Variants in SLC12A2 observed in about 807,000 individuals in gnomAD.
SLC12A2 encodes solute carrier family 12 member 2, also known as Na-K-2Cl cotransporter 1.
SLC12A2 carries 67 observed loss-of-function variants against 136.3 expected under a neutral mutation model. The observed-to-expected ratio is 0.49, with a 90% CI of 0.40 to 0.60. The LOEUF is 0.60. SLC12A2 is among the 20% of genes least tolerant of loss of function. The probability of loss-of-function intolerance (pLI) is 0.00; values close to 1 mark genes in which losing one functional copy is unlikely to be tolerated. For synonymous variants in SLC12A2, 619 were observed against 562.9 expected, an observed-to-expected ratio of 1.10 and a Z score of -1.41; for missense variants, 1,322 against 1,534.7, an observed-to-expected ratio of 0.86 and a Z score of 2.32.
At chr5:128,152,939 T>C (rs574259093) in intron 15 of SLC12A2, 134 bp downstream of exon 15, 2 of 608,388 alleles carry the variant, frequency 3.3e-6, no homozygotes, top group East Asian at 2.8e-5. Context: ...AAGAACAAAA[T>C]TGTACAAAGA....
chr5:128,179,021 C>G (rs1561706735), intron 22 of SLC12A2, among the ~76,000 whole-genome samples: 1 of 152,144 alleles, frequency 6.6e-6, no homozygotes, highest in Non-Finnish European at 1.5e-5. Flanking sequence ...GCAGAAATAT[C>G]ACAGAAGTGA....
At chr5:128,135,482 AT>A (rs375344286) in intron 6 of SLC12A2, among the ~76,000 whole-genome samples, 3 of 152,164 alleles carry the variant, frequency 2.0e-5, no homozygotes, top group Non-Finnish European at 2.9e-5. Context: ...CACTTTTACT[AT>A]CTTTTTTTTC....
chr5:128,184,769 A>C lies in SLC12A2; in HGVS notation c.3436-20A>C, dbSNP rs757773124. 3 of 1,611,194 alleles carry C rather than the reference A, an allele frequency of 1.9e-6. No homozygotes were observed. The highest frequency in any genetic ancestry group is 2.7e-5 in the African/African-American group (2 of 74,854). On this transcript the variant is annotated intron_variant, in intron 25 of 26. Coordinates refer to ENST00000262461, the MANE Select transcript of SLC12A2 (RefSeq NM_001046.3). ...CTTATTTCCACATGGTCTAGGAATG[A>C]CTGTCCTGTTTCATTTCAGACATAC...
At chr5:128,129,319 G>A (rs1464837014) in intron 4 of SLC12A2, among the ~76,000 whole-genome samples, 1 of 152,032 alleles carries the variant, frequency 6.6e-6, no homozygotes. Flanking sequence ...TTTTACTTGT[G>A]ATTAATTATA....
chr5:128,179,449 G>T (rs1307624637), intron 22 of SLC12A2, among the ~76,000 whole-genome samples: 2 of 152,128 alleles, frequency 1.3e-5, no homozygotes, highest in Admixed American at 6.5e-5. Flanking sequence ...CTGTTCTTGT[G>T]TTGCTTTGAA....
At chr5:128,171,248 C>A (rs1763367112) in intron 18 of SLC12A2, among the ~76,000 whole-genome samples, 1 of 152,122 alleles carries the variant, frequency 6.6e-6, no homozygotes, top group Non-Finnish European at 1.5e-5. Context: ...TCATATCCTG[C>A]AACCTGCTAT....
At position 128,114,259 on chromosome 5, in the gene SLC12A2, G is replaced by C; in HGVS notation, c.924G>C (p.Leu308Phe). The C allele has an allele frequency of 6.2e-7, 1 of 1,613,482 alleles. No homozygotes were observed. Among genetic ancestry groups the C allele is most frequent in the South Asian group, 1.1e-5 (1 of 91,048 alleles). The stretch of plus-strand genomic sequence containing the variant: ...GGGGTGTGATGCTTTTCATTAGATT[G>C]TCATGGATTGTGGGTCAAGCTGGAA... ...NIWGVMLFIR[L>F]SWIVGQAGIG... is the part of the protein sequence containing the mutation. Residue 308 changes from leucine (L) to phenylalanine (F), a missense_variant, in exon 3 of 27, where the codon TTG (leucine) becomes TTC (phenylalanine). This residue lies in a region of SLC12A2 where 71 missense variants were observed against 131.0 expected (regional missense o/e 0.54). Coordinates refer to ENST00000262461, the MANE Select transcript of SLC12A2 (RefSeq NM_001046.3).
chr5:128,107,118 A>G (rs1052416389), intron 1 of SLC12A2, among the ~76,000 whole-genome samples: 2 of 152,208 alleles, frequency 1.3e-5, no homozygotes, highest in African/African-American at 2.4e-5. Context: ...ATAATTGAAC[A>G]GTTGAATCAT....
intron 5 of SLC12A2, among the ~76,000 whole-genome samples, chr5:128,131,699 G>A (rs115455412): frequency 0.013 from 1,936 of 151,146 alleles, 19 homozygotes; most frequent in African/African-American, 0.026. Context: ...GCAAGACTCC[G>A]TCTCGGAAAA....
intron 1 of SLC12A2, among the ~76,000 whole-genome samples, chr5:128,096,755 A>G (rs1048321313): frequency 8.5e-5 from 13 of 152,236 alleles, no homozygotes; most frequent in African/African-American, 3.1e-4. Context: ...AATTCCAATT[A>G]TCAGGCAGAT....
intron 16 of SLC12A2, 30 bp downstream of exon 16, chr5:128,158,194 GTTTTT>G: frequency 6.6e-7 from 1 of 1,519,142 alleles, no homozygotes; most frequent in Non-Finnish European, 9.0e-7. Context: ...TCTTTTTCAA[GTTTTT>G]TTTTAAAGTT....
At chr5:128,138,015 G>A (rs1458521689) in intron 7 of SLC12A2, among the ~76,000 whole-genome samples, 1 of 151,330 alleles carries the variant, frequency 6.6e-6, no homozygotes, top group African/African-American at 2.4e-5. Context: ...ATGGGTCACT[G>A]GAGTGTCGAC....
At chr5:128,096,989 TA>T (rs1425163327) in intron 1 of SLC12A2, among the ~76,000 whole-genome samples, 1 of 152,066 alleles carries the variant, frequency 6.6e-6, no homozygotes, top group Non-Finnish European at 1.5e-5. Flanking sequence ...TCATCTAGCA[TA>T]AATGCTAAGG....
At chr5:128,135,556 G>A in intron 6 of SLC12A2, 144 bp from the exon 7 acceptor site, 2 of 570,122 alleles carry the variant, frequency 3.5e-6, no homozygotes, top group Admixed American at 6.5e-5. Context: ...CAGCTGCTTG[G>A]CATATGGCAT....
chr5:128,153,495 C>T (rs1762773166), intron 15 of SLC12A2, among the ~76,000 whole-genome samples: 1 of 152,134 alleles, frequency 6.6e-6, no homozygotes, highest in African/African-American at 2.4e-5. Flanking sequence ...GCGGAGGTTG[C>T]AGTGAGCCAA....
intron 17 of SLC12A2, among the ~76,000 whole-genome samples, chr5:128,162,909 C>T (rs527615707): frequency 1.3e-5 from 2 of 152,112 alleles, no homozygotes; most frequent in South Asian, 4.2e-4. Flanking sequence ...AACACAAATT[C>T]GTAAATTTTC....
intron 5 of SLC12A2, among the ~76,000 whole-genome samples, chr5:128,131,537 CAAA>C (rs33967323): frequency 2.2e-5 from 3 of 136,010 alleles, no homozygotes; most frequent in African/African-American, 2.7e-5. Context: ...ACTACAAATA[CAAA>C]AAAAAAAAAA....
Position 128,131,204 on chromosome 5 carries a change from A to G in SLC12A2, c.1186A>G (p.Lys396Glu). ...GFAETVVELL[K>E]EHSILMIDEI... is the part of the protein sequence containing the mutation. ...TGCAGAAACCGTGGTGGAGTTGCTT[A>G]AGGTAATTCACCTTCCTTCTAGTCA... is the stretch of plus-strand genomic sequence containing the variant. The change falls in exon 5 of 27, where the codon AAG becomes GAG. Residue 396 changes from lysine to glutamate, a missense_variant and splice_region_variant. Physicochemically the swap from Lys to Glu is moderately conservative, Grantham distance 56. This residue lies in a region of SLC12A2 where 110 missense variants were observed against 114.5 expected (regional missense o/e 0.96). Transcript: ENST00000262461. The G allele has an allele frequency of 6.2e-7, 1 of 1,614,056 alleles. No individual in the cohort carries two copies.
At chr5:128,154,154 G>A (rs1235552372) in intron 15 of SLC12A2, among the ~76,000 whole-genome samples, 3 of 152,030 alleles carry the variant, frequency 2.0e-5, no homozygotes, top group Non-Finnish European at 4.4e-5. Flanking sequence ...GTGCATGCCT[G>A]CAATCCCATC....
Sources: gnomAD v4.1 joint callset for allele counts (sites outside exome capture counted in the v4.1 genomes callset) on GRCh38, gnomAD v4.1.1 for gene constraint, gnomAD v4.1.1 regional missense constraint, MANE v1.5 for transcripts, NCBI Gene and HGNC (gene_info 2026-07-23, HGNC 2026-07-21) for gene names.